EPHA3: variants seen among roughly 807,000 people sequenced by gnomAD.
The protein encoded by EPHA3 is EPH receptor A3.
In EPHA3, 42 loss-of-function variants were observed where a neutral mutation model predicts 107.1. The ratio of observed to expected loss-of-function variants is 0.39; its 90% CI spans 0.31 to 0.51. The LOEUF (loss-of-function observed/expected upper bound fraction) is 0.51, where lower values mean the gene tolerates loss of function less well. Among genes scored for constraint, EPHA3 ranks in the 20% least tolerant of loss-of-function variants. The probability of loss-of-function intolerance (pLI) is 0.78; values close to 1 mark genes in which losing one functional copy is unlikely to be tolerated. For missense variants in EPHA3, 1,183 were observed against 1,211.2 expected (o/e 0.98, Z 0.35); for synonymous variants, 461 against 424.8 (o/e 1.09, Z -1.05).
At chr3:89,379,099 C>T (rs1708453733) in intron 5 of EPHA3, among the ~76,000 whole-genome samples, 1 of 152,180 alleles carries the variant, frequency 6.6e-6, no homozygotes, top group Non-Finnish European at 1.5e-5. Context: ...AGCAGGTAAT[C>T]TGTCTCTGCA....
chr3:89,405,331 G>C (rs979232960), intron 7 of EPHA3, among the ~76,000 whole-genome samples: 1 of 152,160 alleles, frequency 6.6e-6, no homozygotes, highest in African/African-American at 2.4e-5. Context: ...AAGTCACTAA[G>C]GGGTACATAA....
intron 9 of EPHA3, among the ~76,000 whole-genome samples, chr3:89,408,547 C>T (rs1388765598): frequency 6.6e-6 from 1 of 152,008 alleles, no homozygotes; most frequent in Non-Finnish European, 1.5e-5. Flanking sequence ...AGTGCCTTAT[C>T]CCATTTTATC....
chr3:89,176,671 A>G (rs1225147175), intron 2 of EPHA3, among the ~76,000 whole-genome samples: 1 of 152,136 alleles, frequency 6.6e-6, no homozygotes, highest in Non-Finnish European at 1.5e-5. Context: ...TACACATATT[A>G]ACAGTCTTAA....
Position 89,367,813 on chromosome 3 carries a change from G to A in EPHA3, c.1306+25723G>A, listed in dbSNP as rs895765936. Among the ~76,000 whole-genome samples the A allele has an allele frequency of 2.3e-4, 34 of 150,686 alleles. 1 individual carries two copies. The highest frequency in any genetic ancestry group is 8.0e-4 in the African/African-American group (33 of 41,296). On this transcript the variant is annotated intron_variant, in intron 5 of 16. Transcript: ENST00000336596. ...GACTCAGACTAAGTGCCAGCACTTT[G>A]TTAATTTTTCTCTAATTCTTCTCAG...
chr3:89,299,795 AAC>A, intron 3 of EPHA3, among the ~76,000 whole-genome samples: 1 of 152,028 alleles, frequency 6.6e-6, no homozygotes, highest in East Asian at 1.9e-4. Flanking sequence ...GAGTTTGTCT[AAC>A]ACTGTATATG....
chr3:89,385,212 A>C (rs565191556), intron 5 of EPHA3, among the ~76,000 whole-genome samples: 2 of 152,208 alleles, frequency 1.3e-5, no homozygotes, highest in Non-Finnish European at 2.9e-5. Flanking sequence ...TTTAGAGATA[A>C]TCAACTTCAG....
At chr3:89,160,235 G>T (rs1704900065) in intron 2 of EPHA3, among the ~76,000 whole-genome samples, 1 of 151,800 alleles carries the variant, frequency 6.6e-6, no homozygotes, top group Admixed American at 6.6e-5. Flanking sequence ...TTCTTCTGGG[G>T]GTAACAGACA....
At chr3:89,423,191 A>G (rs1380047282) in intron 11 of EPHA3, among the ~76,000 whole-genome samples, 1 of 151,458 alleles carries the variant, frequency 6.6e-6, no homozygotes, top group African/African-American at 2.4e-5. Context: ...ATTTTAAAAA[A>G]TTACCATGTA....
In EPHA3 at chr3:89,439,959, T is replaced by A. The variant is rs143904855; in HGVS notation, c.2346+8600T>A. On this transcript the variant is annotated intron_variant, in intron 13 of 16. Transcript: ENST00000336596. ...TATGGAGATTTTCCTGTATTTCAAG[T>A]AATGCTTAATCATTTCACATGATGT... Among the ~76,000 whole-genome samples the A allele has an allele frequency of 9.7e-3, 1,472 of 152,292 alleles. 27 individuals are homozygous for A. The highest frequency in any genetic ancestry group is 0.034 in the African/African-American group (1,408 of 41,548).
At chr3:89,113,064 G>C (rs568124460) in intron 1 of EPHA3, among the ~76,000 whole-genome samples, 2 of 152,112 alleles carry the variant, frequency 1.3e-5, no homozygotes, top group South Asian at 4.2e-4. Context: ...GGTCAATAAA[G>C]GGCTTTTACC....
intron 3 of EPHA3, among the ~76,000 whole-genome samples, chr3:89,237,109 C>G (rs1314815502): frequency 6.6e-6 from 1 of 152,164 alleles, no homozygotes; most frequent in Non-Finnish European, 1.5e-5. Flanking sequence ...TGCCTGTAAT[C>G]CCAGCACTTT....
Position 89,472,499 on chromosome 3 carries a change from A to G in EPHA3, c.2726A>G (p.Asp909Gly). 7 of 1,614,032 alleles carry G rather than the reference A, an allele frequency of 4.3e-6. No homozygotes were observed. The highest frequency in any genetic ancestry group is 5.9e-6 in the Non-Finnish European group (7 of 1,179,978). ...SNLLLDQSNV[D>G]ITTFRTTGDW... Reference sequence around the variant, plus strand: ...CTTCTTCTGGACCAAAGCAATGTGGATATCACTACCTTCCGCACAACAGGT... The same window carrying G: ...CTTCTTCTGGACCAAAGCAATGTGGGTATCACTACCTTCCGCACAACAGGT... The change falls in exon 16 of 17, where the codon GAT (aspartate) becomes GGT (glycine). Residue 909 changes from aspartate (D) to glycine (G), a missense_variant. Coordinates refer to ENST00000336596, the MANE Select transcript of EPHA3 (RefSeq NM_005233.6).
At chr3:89,282,724 T>C (rs1559631404) in intron 3 of EPHA3, among the ~76,000 whole-genome samples, 1 of 152,070 alleles carries the variant, frequency 6.6e-6, no homozygotes, top group Non-Finnish European at 1.5e-5. Flanking sequence ...ATGTGAAAAA[T>C]GAACTGGGTT....
intron 2 of EPHA3, among the ~76,000 whole-genome samples, chr3:89,193,347 G>A (rs1489933971): frequency 1.3e-5 from 2 of 151,880 alleles, no homozygotes; most frequent in African/African-American, 4.8e-5. Context: ...AAATGATAGC[G>A]GCCTTGGCAT....
At position 89,282,322 on chromosome 3, in the gene EPHA3, G is replaced by T. The variant is rs1027637776; in HGVS notation, c.815-58594G>T. ...AATATGTACTGAGCACATACTATAT[G>T]CCAGACTTTGTTTTGAGTATTGAGG... is the stretch of plus-strand genomic sequence containing the variant. On this transcript the variant is annotated intron_variant, in intron 3 of 16. Coordinates refer to ENST00000336596, the MANE Select transcript of EPHA3 (RefSeq NM_005233.6). Among the ~76,000 whole-genome samples the T allele has an allele frequency of 7.9e-5, 12 of 152,064 alleles. 1 individual carries two copies. Among genetic ancestry groups the T allele is most frequent in the Non-Finnish European group, 1.3e-4 (9 of 67,972 alleles).
At chr3:89,284,626 T>G (rs1055557190) in intron 3 of EPHA3, among the ~76,000 whole-genome samples, 6 of 152,132 alleles carry the variant, frequency 3.9e-5, no homozygotes, top group Admixed American at 3.9e-4. Flanking sequence ...AAAATTATAT[T>G]ATTTCCCGTA....
At chr3:89,432,878 T>C (rs1457644327) in intron 13 of EPHA3, among the ~76,000 whole-genome samples, 1 of 152,104 alleles carries the variant, frequency 6.6e-6, no homozygotes, top group Non-Finnish European at 1.5e-5. Context: ...TGCCCTGTTT[T>C]AACTTAAAAA....
Position 89,136,330 on chromosome 3 carries a change from C to CTTT in EPHA3, c.153+9079_153+9081dup, listed in dbSNP as rs67054298. 6.7e-3 allele frequency among the ~76,000 whole-genome samples: 157 copies of CTTT among 23,374 alleles called. 35 individuals are homozygous for CTTT. The highest frequency in any genetic ancestry group is 0.023 in the African/African-American group (139 of 6,052). The allele number at this position is 23,374 out of a possible 152,430, so 15.3% of individuals were successfully genotyped here. A position where few individuals can be genotyped will look rare whatever the true frequency, so the allele number is the denominator to read the frequency against. ...GAAAAACATGGCAAAATCTTACAGG[C>CTTT]TTTTTTTTTTTTTTTTTTTTTTTTG... is the stretch of plus-strand genomic sequence containing the variant. On this transcript the variant is annotated intron_variant, in intron 2 of 16. Transcript: ENST00000336596.
chr3:89,166,971 T>A (rs1304384107), intron 2 of EPHA3, among the ~76,000 whole-genome samples: 1 of 152,120 alleles, frequency 6.6e-6, no homozygotes, highest in Non-Finnish European at 1.5e-5. Flanking sequence ...TTCCTGCAAA[T>A]TGCCCCATTT....
Sources: gnomAD v4.1 joint callset for allele counts (sites outside exome capture counted in the v4.1 genomes callset) on GRCh38, gnomAD v4.1.1 for gene constraint, MANE v1.5 for transcripts, NCBI Gene and HGNC (gene_info 2026-07-23, HGNC 2026-07-21) for gene names.